MLLT3: variants seen among roughly 807,000 people sequenced by gnomAD.
The protein encoded by MLLT3 is MLLT3 super elongation complex subunit.
A neutral mutation model predicts 53.2 loss-of-function variants in MLLT3; 4 were observed. The ratio of observed to expected loss-of-function variants is 0.08; its 90% CI spans 0.04 to 0.17. The LOEUF (loss-of-function observed/expected upper bound fraction) is 0.17, where lower values mean the gene tolerates loss of function less well. Among genes scored for constraint, MLLT3 ranks in the 10% least tolerant of loss-of-function variants. MLLT3 has a pLI of 1.00. For missense variants in MLLT3, 569 were observed against 684.0 expected (o/e 0.83, Z 1.87); for synonymous variants, 283 against 230.6 (o/e 1.23, Z -2.06).
intron 3 of MLLT3, among the ~76,000 whole-genome samples, chr9:20,455,187 T>C (rs1823933062): frequency 2.0e-5 from 3 of 152,182 alleles, no homozygotes; most frequent in African/African-American, 7.2e-5. Flanking sequence ...ATGACAAATA[T>C]GTCAACGATT....
At chr9:20,523,788 G>T (rs1276390807) in intron 2 of MLLT3, among the ~76,000 whole-genome samples, 1 of 152,078 alleles carries the variant, frequency 6.6e-6, no homozygotes, top group East Asian at 1.9e-4. Context: ...GGGCAACATG[G>T]AGAAACCCCA....
chr9:20,383,488 CTCCAGG>C, intron 5 of MLLT3, among the ~76,000 whole-genome samples: 1 of 151,972 alleles, frequency 6.6e-6, no homozygotes, highest in Admixed American at 6.6e-5. Context: ...AACATCATCT[CTCCAGG>C]CCTCAGTTCC....
chr9:20,527,704 T>G (rs939463058), intron 2 of MLLT3, among the ~76,000 whole-genome samples: 6 of 152,168 alleles, frequency 3.9e-5, no homozygotes, highest in African/African-American at 1.4e-4. Flanking sequence ...CATCAAAAGC[T>G]TTAGAATTTC....
chr9:20,461,979 C>T (rs749094074), intron 2 of MLLT3, among the ~76,000 whole-genome samples: 76 of 152,116 alleles, frequency 5.0e-4, no homozygotes, highest in Admixed American at 2.0e-3. Context: ...CCCTCACTTC[C>T]TGCTTCACTT....
chr9:20,383,665 T>C (rs985788897), intron 5 of MLLT3, among the ~76,000 whole-genome samples: 9 of 151,940 alleles, frequency 5.9e-5, no homozygotes, highest in Admixed American at 2.6e-4. Context: ...AATTATGATA[T>C]TAAAAAGTTA....
At chr9:20,389,458 C>G (rs1008928764) in intron 5 of MLLT3, among the ~76,000 whole-genome samples, 2 of 152,028 alleles carry the variant, frequency 1.3e-5, no homozygotes, top group East Asian at 3.8e-4. Flanking sequence ...GTGGGGATAG[C>G]TGCACAATTC....
At chr9:20,462,049 G>T (rs946978862) in intron 2 of MLLT3, among the ~76,000 whole-genome samples, 4 of 152,062 alleles carry the variant, frequency 2.6e-5, no homozygotes, top group African/African-American at 9.7e-5. Flanking sequence ...CCATCTCTCC[G>T]CACCCAAACT....
chr9:20,601,813 G>A (rs1168944828), intron 2 of MLLT3, among the ~76,000 whole-genome samples: 2 of 151,594 alleles, frequency 1.3e-5, no homozygotes, highest in East Asian at 3.9e-4. Context: ...TCTTTTTATG[G>A]TGGGTATAAA....
intron 2 of MLLT3, among the ~76,000 whole-genome samples, chr9:20,484,754 GC>G (rs1824763113): frequency 6.6e-6 from 1 of 152,090 alleles, no homozygotes; most frequent in Non-Finnish European, 1.5e-5. Context: ...CAGTACCAGT[GC>G]CTAATATGGT....
chr9:20,425,198 A>G (rs1823112498), intron 4 of MLLT3, among the ~76,000 whole-genome samples: 1 of 152,190 alleles, frequency 6.6e-6, no homozygotes, highest in Admixed American at 6.5e-5. Context: ...CCAAGAGATC[A>G]ATTTAAAATG....
At chr9:20,606,135 G>A (rs1820559091) in intron 2 of MLLT3, among the ~76,000 whole-genome samples, 2 of 152,074 alleles carry the variant, frequency 1.3e-5, no homozygotes, top group South Asian at 4.1e-4. Flanking sequence ...CTATGGCTGG[G>A]AAATTTAGCT....
At chr9:20,599,449 C>A (rs1820360630) in intron 2 of MLLT3, among the ~76,000 whole-genome samples, 2 of 121,326 alleles carry the variant, frequency 1.6e-5, no homozygotes. Flanking sequence ...CAATTAGTAA[C>A]CAGATGTTTA....
chr9:20,353,710 AC>A (rs1283113209), intron 9 of MLLT3, 114 bp from the exon 10 acceptor site: 17 of 871,058 alleles, frequency 2.0e-5, no homozygotes, highest in Non-Finnish European at 3.0e-5. Flanking sequence ...TTCTCATTAC[AC>A]CACTCTAGCC....
At chr9:20,354,944 TA>T in intron 8 of MLLT3, 65 bp from the exon 9 acceptor site, 1 of 1,078,052 alleles carries the variant, frequency 9.3e-7, no homozygotes, top group East Asian at 2.4e-5. Context: ...ACCAGCCACC[TA>T]AACAAAGGCA....
At position 20,352,473 on chromosome 9, in the gene MLLT3, T is replaced by A. The variant is rs542337713; in HGVS notation, c.1575+1052A>T. On this transcript the variant is annotated intron_variant, in intron 10 of 10. Transcript: ENST00000380338. ...CAAAGTACTAGACCACCACTCATGG[T>A]AGGCCACTTAAGTCCTGCTTCCTTA... Among the ~76,000 whole-genome samples, 3 of 152,326 alleles carry A rather than the reference T, an allele frequency of 2.0e-5. No individual in the cohort carries two copies. The South Asian group carries it at 6.2e-4, about 32-fold the overall frequency.
At chr9:20,471,923 G>A (rs1472577046) in intron 2 of MLLT3, among the ~76,000 whole-genome samples, 1 of 151,270 alleles carries the variant, frequency 6.6e-6, no homozygotes, top group African/African-American at 2.4e-5. Context: ...TCTTAGCTAA[G>A]AAATAGCAAG....
intron 2 of MLLT3, among the ~76,000 whole-genome samples, chr9:20,537,585 T>C (rs2119005913): frequency 6.6e-6 from 1 of 152,304 alleles, no homozygotes. Context: ...TTCACATGTA[T>C]ACATCTCAAA....
At chr9:20,474,062 T>C (rs1345845903) in intron 2 of MLLT3, among the ~76,000 whole-genome samples, 1 of 152,100 alleles carries the variant, frequency 6.6e-6, no homozygotes, top group Non-Finnish European at 1.5e-5. Flanking sequence ...ACACTGACCT[T>C]GCTGCAGCTG....
intron 2 of MLLT3, among the ~76,000 whole-genome samples, chr9:20,493,588 T>C (rs368662452): frequency 6.6e-6 from 1 of 152,032 alleles, no homozygotes; most frequent in Non-Finnish European, 1.5e-5. Flanking sequence ...TTATTTGTCA[T>C]AGGAAGATAA....
Sources: gnomAD v4.1 joint callset for allele counts (sites outside exome capture counted in the v4.1 genomes callset) on GRCh38, gnomAD v4.1.1 for gene constraint, MANE v1.5 for transcripts, NCBI Gene and HGNC (gene_info 2026-07-23, HGNC 2026-07-21) for gene names.